TNR: variants seen among roughly 807,000 people sequenced by gnomAD.
The protein encoded by TNR is tenascin-R.
A neutral mutation model predicts 150.4 loss-of-function variants in TNR; 45 were observed. That is an observed-to-expected ratio of 0.30 (90% CI 0.24 to 0.38). The LOEUF (loss-of-function observed/expected upper bound fraction) is 0.38, where lower values mean the gene tolerates loss of function less well. Ranked by LOEUF, TNR falls within the 10% of genes least tolerant of loss-of-function variation. The pLI is 1.00. For synonymous variants in TNR, 687 were observed against 678.4 expected, an observed-to-expected ratio of 1.01 and a Z score of -0.20; for missense variants, 1,544 against 1,759.1, an observed-to-expected ratio of 0.88 and a Z score of 2.19.
intron 2 of TNR, among the ~76,000 whole-genome samples, chr1:175,439,064 A>C (rs6698243): frequency 7.2e-5 from 11 of 151,942 alleles, no homozygotes; most frequent in Admixed American, 7.2e-4. Flanking sequence ...CCCTCATTGC[A>C]AAGTCAATCC....
chr1:175,720,832 A>G (rs1168583252), intron 1 of TNR, among the ~76,000 whole-genome samples: 5 of 152,222 alleles, frequency 3.3e-5, no homozygotes, highest in Admixed American at 2.0e-4. Flanking sequence ...AGAAAACTAT[A>G]TAGCTTTTAT....
rs1033816545 is a variant in TNR, at chr1:175,403,556, C to T, written c.560G>A (p.Gly187Asp). 3.7e-6 allele frequency: 6 copies of T among 1,614,044 alleles called. No homozygotes were observed. In the Admixed American group the frequency reaches 6.7e-5, roughly 18 times the overall value. Residue 187 changes from glycine (G) to aspartate (D), a missense_variant, in exon 4 of 23, where the codon GGC becomes GAC. Gly to Asp is a moderately conservative substitution (Grantham distance 94). Coordinates refer to ENST00000367674, the MANE Select transcript of TNR (RefSeq NM_003285.3). ...AAACCAGCCTTCGTTGCAGATGCAG[C>T]CACAGGACTCAAAGCTAAAGTTGCC... ...GHGNFSFESC[G>D]CICNEGWFGK...
chr1:175,322,940 C>T lies in TNR; in HGVS notation c.*417G>A, dbSNP rs1649141370. The T allele has an allele frequency of 6.5e-6, 1 of 154,372 alleles. No individual in the cohort carries two copies. Among genetic ancestry groups the T allele is most frequent in the Admixed American group, 6.5e-5 (1 of 15,340 alleles). The allele number at this position is 154,372 out of a possible 1,614,324, so 9.6% of individuals were successfully genotyped here. ...CTTGCTGAGGCTCTTTTCTCTGGGC[C>T]AGTGTGAGAACCTGGCCATGTCAGG... On this transcript the variant is annotated 3_prime_UTR_variant, in exon 23 of 23. Transcript: ENST00000367674.
intron 7 of TNR, among the ~76,000 whole-genome samples, chr1:175,388,605 C>T (rs1043449193): frequency 1.3e-5 from 2 of 152,180 alleles, no homozygotes; most frequent in African/African-American, 4.8e-5. Context: ...GGATTCTGCC[C>T]TTTGTTGGCC....
At chr1:175,385,612 A>T (rs1298786283) in intron 8 of TNR, among the ~76,000 whole-genome samples, 1 of 152,168 alleles carries the variant, frequency 6.6e-6, no homozygotes, top group African/African-American at 2.4e-5. Flanking sequence ...AGGTTTATAG[A>T]ATTATTATGA....
chr1:175,704,428 G>C (rs1666789321), intron 1 of TNR, among the ~76,000 whole-genome samples: 1 of 152,174 alleles, frequency 6.6e-6, no homozygotes, highest in Non-Finnish European at 1.5e-5. Context: ...TTGGGGAATG[G>C]GGCATCTGCC....
chr1:175,657,272 A>G (rs1665207219), intron 1 of TNR, among the ~76,000 whole-genome samples: 1 of 152,164 alleles, frequency 6.6e-6, no homozygotes, highest in Admixed American at 6.5e-5. Context: ...AGGGAACAAC[A>G]CGTGCTGGCG....
In TNR at chr1:175,474,627, G is replaced by A. The variant is rs888014787; in HGVS notation, c.-64+53642C>T. On this transcript the variant is annotated intron_variant, in intron 2 of 22. Coordinates refer to ENST00000367674, the MANE Select transcript of TNR (RefSeq NM_003285.3). ...TTAGGGAGAAGAAAGTGATCCAAGG[G>A]CATGAGAGGGCATCCGTAGCCATGT... Among the ~76,000 whole-genome samples, 4 of 152,366 alleles carry A rather than the reference G, an allele frequency of 2.6e-5. No individual in the cohort carries two copies. The South Asian group carries it at 8.3e-4, about 32-fold the overall frequency.
At position 175,576,250 on chromosome 1, in the gene TNR, G is replaced by A. The variant is rs137892951; in HGVS notation, c.-164-47881C>T. ...ACAGGGTCTATCACCATGGGCAGGG[G>A]GCTCTCAGTCAGCTTGGCAATTTCC... On this transcript the variant is annotated intron_variant, in intron 1 of 22. Coordinates refer to ENST00000367674, the MANE Select transcript of TNR (RefSeq NM_003285.3). Among the ~76,000 whole-genome samples the A allele has an allele frequency of 8.4e-3, 1,274 of 152,266 alleles. 16 individuals are homozygous for A. Among genetic ancestry groups the A allele is most frequent in the African/African-American group, 0.029 (1,210 of 41,524 alleles).
At chr1:175,463,003 G>A (rs746710195) in intron 2 of TNR, among the ~76,000 whole-genome samples, 5 of 152,166 alleles carry the variant, frequency 3.3e-5, no homozygotes, top group Non-Finnish European at 7.4e-5. Context: ...GTAGAATGTC[G>A]AATTGTGTTG....
At chr1:175,440,043 A>G (rs562039091) in intron 2 of TNR, among the ~76,000 whole-genome samples, 10 of 152,226 alleles carry the variant, frequency 6.6e-5, no homozygotes, top group Non-Finnish European at 1.3e-4. Context: ...CCAAAGGATT[A>G]TAAATCATGC....
intron 1 of TNR, among the ~76,000 whole-genome samples, chr1:175,579,631 A>T (rs1662268356): frequency 6.6e-6 from 1 of 151,122 alleles, no homozygotes; most frequent in South Asian, 2.1e-4. Context: ...TATCAGTTAT[A>T]ACCCACTGAG....
chr1:175,542,352 T>C (rs6664269), intron 1 of TNR, among the ~76,000 whole-genome samples: 103,351 of 152,026 alleles, frequency 0.68, 35,345 homozygotes, highest in Admixed American at 0.72. Flanking sequence ...CTTGGAGGCA[T>C]TTAGCCCACC....
intron 1 of TNR, among the ~76,000 whole-genome samples, chr1:175,566,523 C>A (rs1661651041): frequency 6.6e-6 from 1 of 152,234 alleles, no homozygotes; most frequent in Non-Finnish European, 1.5e-5. Flanking sequence ...ATAGGGCCCC[C>A]AAGCCACATG....
chr1:175,522,465 AGGTGATG>A (rs1659674925), intron 2 of TNR, among the ~76,000 whole-genome samples: 1 of 152,226 alleles, frequency 6.6e-6, no homozygotes. Context: ...TATACTGCTC[AGGTGATG>A]GGTGCCCCAA....
intron 1 of TNR, among the ~76,000 whole-genome samples, chr1:175,650,344 C>G (rs778385040): frequency 1.4e-4 from 21 of 152,004 alleles, no homozygotes; most frequent in Non-Finnish European, 2.6e-4. Context: ...GATCATGCCA[C>G]TGCACTTCAG....
chr1:175,528,615 A>G (rs1310297814), intron 1 of TNR, among the ~76,000 whole-genome samples: 3 of 152,216 alleles, frequency 2.0e-5, no homozygotes, highest in African/African-American at 7.2e-5. Context: ...TTTGAGGTAA[A>G]CAAATCTATG....
chr1:175,422,206 C>G (rs1032805568), intron 2 of TNR, among the ~76,000 whole-genome samples: 3 of 152,186 alleles, frequency 2.0e-5, no homozygotes, highest in Non-Finnish European at 2.9e-5. Flanking sequence ...ACAATCATCT[C>G]CCTCTCTGAG....
intron 2 of TNR, among the ~76,000 whole-genome samples, chr1:175,454,765 C>A (rs974996609): frequency 6.6e-6 from 1 of 152,188 alleles, no homozygotes; most frequent in African/African-American, 2.4e-5. Flanking sequence ...AGCCACCATG[C>A]CGGTCTGGTT....
Sources: allele counts gnomAD v4.1 joint callset (sites outside exome capture counted in the v4.1 genomes callset), GRCh38; gene constraint gnomAD v4.1.1; transcripts MANE v1.5; gene names NCBI Gene and HGNC (gene_info 2026-07-23, HGNC 2026-07-21).